The following ZNF547 variants were observed in gnomAD, a reference collection of about 807,000 sequenced individuals.
ZNF547 encodes the protein zinc finger protein 547.
A neutral mutation model predicts 7.7 loss-of-function variants in ZNF547; 4 were observed. The ratio of observed to expected loss-of-function variants is 0.52; its 90% CI spans 0.26 to 1.20. The LOEUF (loss-of-function observed/expected upper bound fraction) is 1.20, where lower values mean the gene tolerates loss of function less well. Ranked by LOEUF, ZNF547 falls within the 50% of genes most tolerant of loss-of-function variation. The probability of loss-of-function intolerance (pLI) is 0.14; values close to 1 mark genes in which losing one functional copy is unlikely to be tolerated. For synonymous variants in ZNF547, 166 were observed against 166.2 expected (o/e 1.00, Z 0.01); for missense variants, 449 against 485.8 (o/e 0.92, Z 0.71).
intron 3 of ZNF547, among the ~76,000 whole-genome samples, chr19:57,373,396 G>A (rs2088518159): frequency 6.6e-6 from 1 of 152,000 alleles, no homozygotes; most frequent in Non-Finnish European, 1.5e-5. Context: ...ATGAGATTTG[G>A]GTGGGGACAG....
At chr19:57,364,896 GT>G in intron 1 of ZNF547, 1 of 1,612,314 alleles carries the variant, frequency 6.2e-7, no homozygotes, top group East Asian at 2.2e-5. Context: ...TTGAAATGGA[GT>G]TTTTGCCAGC....
At chr19:57,364,806 C>A (rs532738109) in intron 1 of ZNF547, 3 of 1,565,658 alleles carry the variant, frequency 1.9e-6, no homozygotes, top group Admixed American at 3.6e-5. Context: ...TGTCGGCCTC[C>A]CGCTGCAGGA....
At chr19:57,375,415 G>T (rs572669070) in intron 3 of ZNF547, among the ~76,000 whole-genome samples, 1 of 151,708 alleles carries the variant, frequency 6.6e-6, no homozygotes, top group Admixed American at 6.6e-5. Flanking sequence ...CCTTGGGGGG[G>T]CTGAGGTGGA....
At chr19:57,375,280 G>A (rs1313833420) in intron 3 of ZNF547, among the ~76,000 whole-genome samples, 1 of 152,126 alleles carries the variant, frequency 6.6e-6, no homozygotes, top group Non-Finnish European at 1.5e-5. Context: ...CACCCAGGGG[G>A]TGGAAGTTGC....
At chr19:57,372,350 G>A (rs1394210888) in intron 3 of ZNF547, among the ~76,000 whole-genome samples, 2 of 152,138 alleles carry the variant, frequency 1.3e-5, no homozygotes, top group African/African-American at 2.4e-5. Flanking sequence ...GGTGATTATC[G>A]AATGTGAGAT....
At chr19:57,364,699 C>T (rs948405504) in intron 1 of ZNF547, 19 of 737,622 alleles carry the variant, frequency 2.6e-5, no homozygotes, top group Non-Finnish European at 3.8e-5. Flanking sequence ...CAAGATCGCG[C>T]CATTGCACTC....
At chr19:57,371,932 T>G in intron 3 of ZNF547, 24 bp downstream of exon 3, 1 of 1,567,920 alleles carries the variant, frequency 6.4e-7, no homozygotes, top group Non-Finnish European at 8.6e-7. Context: ...ACTTGCCCAG[T>G]GTCCTGGGTT....
chr19:57,377,804 C>A lies in ZNF547; in HGVS notation c.828C>A (p.Phe276Leu). ...ATGGTTGCAGTGAATGTGGGAAGTT[C>A]TTTAAGTGCAACTCAAACCTCTTTA... ...RPYGCSECGK[F>L]FKCNSNLFRH... Residue 276 changes from phenylalanine (F) to leucine (L), a missense_variant, in exon 4 of 4, where the codon TTC becomes TTA. Phe to Leu is a conservative substitution (Grantham distance 22). Coordinates refer to ENST00000282282, the MANE Select transcript of ZNF547 (RefSeq NM_173631.4). The A allele has an allele frequency of 6.2e-7, 1 of 1,614,128 alleles. No homozygotes were observed. The highest frequency in any genetic ancestry group is 8.5e-7 in the Non-Finnish European group (1 of 1,180,034).
At chr19:57,372,258 A>C (rs1460828225) in intron 3 of ZNF547, among the ~76,000 whole-genome samples, 1 of 152,098 alleles carries the variant, frequency 6.6e-6, no homozygotes, top group Non-Finnish European at 1.5e-5. Flanking sequence ...TTGTTCCTGG[A>C]ATTTCTGGCA....
chr19:57,376,696 T>C (rs1470188052), intron 3 of ZNF547, among the ~76,000 whole-genome samples: 2 of 152,172 alleles, frequency 1.3e-5, no homozygotes, highest in African/African-American at 2.4e-5. Flanking sequence ...TCATGGAGGT[T>C]TGGGGAGTTT....
At chr19:57,371,406 A>G (rs1452051194) in intron 2 of ZNF547, among the ~76,000 whole-genome samples, 1 of 152,232 alleles carries the variant, frequency 6.6e-6, no homozygotes, top group Non-Finnish European at 1.5e-5. Context: ...ATCAGGAGGA[A>G]AATTGGAGTG....
intron 1 of ZNF547, among the ~76,000 whole-genome samples, chr19:57,366,461 C>T (rs1299163109): frequency 3.3e-5 from 5 of 151,940 alleles, no homozygotes; most frequent in South Asian, 2.1e-4. Flanking sequence ...CTGCCTGCCT[C>T]GGCCTCCCGG....
In ZNF547 at chr19:57,368,589, G is replaced by GT. The variant is rs2088485551; in HGVS notation, c.24+11dup. ...AATGAACCCTGCACAGGTGAGTGGA[G>GT]TGTTTTCTACCTTTCACCTACCAGT... On this transcript the variant is annotated intron_variant, in intron 2 of 3. Coordinates refer to ENST00000282282, the MANE Select transcript of ZNF547 (RefSeq NM_173631.4). The GT allele has an allele frequency of 6.2e-7, 1 of 1,613,902 alleles. No individual in the cohort carries two copies. Among genetic ancestry groups the GT allele is most frequent in the Non-Finnish European group, 8.5e-7 (1 of 1,179,934 alleles).
rs1317730849 is a variant in ZNF547, at chr19:57,377,992, T to TC, written c.1017dup (p.Ile340HisfsTer14). On this transcript the variant is annotated frameshift_variant, in exon 4 of 4. Transcript: ENST00000282282. LOFTEE classifies it low-confidence loss of function (END_TRUNC). Reference sequence around the variant, plus strand: ...AAATTCTTCAGCTTGAAATCCGTCCTCATTCAACACCAAAGAGTTCACACT... The same window carrying TC: ...AAATTCTTCAGCTTGAAATCCGTCCTCCATTCAACACCAAAGAGTTCACACT... The TC allele has an allele frequency of 6.2e-7, 1 of 1,614,070 alleles. No individual in the cohort carries two copies. The highest frequency in any genetic ancestry group is 8.5e-7 in the Non-Finnish European group (1 of 1,180,012).
chr19:57,368,936 G>C (rs766492031), intron 2 of ZNF547, among the ~76,000 whole-genome samples: 2 of 152,172 alleles, frequency 1.3e-5, no homozygotes, highest in African/African-American at 4.8e-5. Context: ...GCAAGTGTCT[G>C]TTATATCGGA....
chr19:57,366,717 G>T (rs977106340), intron 1 of ZNF547, among the ~76,000 whole-genome samples: 5 of 150,344 alleles, frequency 3.3e-5, no homozygotes, highest in African/African-American at 1.2e-4. Context: ...GGCCCAGATA[G>T]GTTGATCTTA....
chr19:57,377,451 A>G lies in ZNF547; in HGVS notation c.475A>G (p.Ser159Gly), dbSNP rs1331039204. 1.9e-6 allele frequency: 3 copies of G among 1,614,138 alleles called. No individual in the cohort carries two copies. The highest frequency in any genetic ancestry group is 2.7e-5 in the African/African-American group (2 of 74,956). ...CATGGCAGGGAAGACCTTCTTGTGC[A>G]GTGAATGTGGGAAAGCCTTTAGCCA... ...VHMAGKTFLC[S>G]ECGKAFSHKH... Residue 159 changes from serine to glycine, a missense_variant, in exon 4 of 4, where the codon AGT (serine) becomes GGT (glycine). By Grantham distance (56) the Ser-to-Gly change is moderately conservative. Transcript: ENST00000282282.
chr19:57,365,509 C>CTT (rs770884068), intron 1 of ZNF547, among the ~76,000 whole-genome samples: 18 of 139,810 alleles, frequency 1.3e-4, no homozygotes, highest in Non-Finnish European at 2.0e-4. Flanking sequence ...TAATTTCTTT[C>CTT]TTTTTTTTTT....
chr19:57,367,758 G>A (rs925855763), intron 1 of ZNF547, among the ~76,000 whole-genome samples: 2 of 152,178 alleles, frequency 1.3e-5, no homozygotes, highest in African/African-American at 4.8e-5. Context: ...CTCTTTGTGG[G>A]AAAAGAAAAA....
Sources: gnomAD v4.1 joint callset for allele counts (sites outside exome capture counted in the v4.1 genomes callset) on GRCh38, gnomAD v4.1.1 for gene constraint, MANE v1.5 for transcripts, NCBI Gene and HGNC (gene_info 2026-07-23, HGNC 2026-07-21) for gene names.